Variants in THSD4 observed in about 807,000 individuals in gnomAD.
The protein encoded by THSD4 is thrombospondin type 1 domain containing 4.
THSD4 carries 69 observed loss-of-function variants against 119.0 expected under a neutral mutation model. The ratio of observed to expected loss-of-function variants is 0.58; its 90% CI spans 0.48 to 0.71. The LOEUF (loss-of-function observed/expected upper bound fraction) is 0.71, where lower values mean the gene tolerates loss of function less well. Among genes scored for constraint, THSD4 ranks in the 30% least tolerant of loss-of-function variants. The probability of loss-of-function intolerance (pLI) is 0.00; values close to 1 mark genes in which losing one functional copy is unlikely to be tolerated. For missense variants in THSD4, 1,393 were observed against 1,391.1 expected (o/e 1.00, Z -0.02); for synonymous variants, 524 against 540.4 (o/e 0.97, Z 0.42).
Position 71,373,432 on chromosome 15 carries a change from C to T in THSD4, c.1016-38255C>T, listed in dbSNP as rs555589210. On this transcript the variant is annotated intron_variant, in intron 6 of 17. Coordinates refer to ENST00000261862, the MANE Select transcript of THSD4 (RefSeq NM_024817.3). ...TCTCCTAACTTGAACTTACATGACTCCTATTTTAGGGTCTAATACACAGGA... is the reference window on the plus strand; with the variant it reads ...TCTCCTAACTTGAACTTACATGACTTCTATTTTAGGGTCTAATACACAGGA... Among the ~76,000 whole-genome samples, 4 of 151,938 alleles carry T rather than the reference C, an allele frequency of 2.6e-5. No homozygotes were observed. The South Asian group carries it at 8.4e-4, about 32-fold the overall frequency.
rs182426487 is a variant in THSD4 at position 71,166,691 on chromosome 15, C to T, written c.99+11759C>T. On this transcript the variant is annotated intron_variant, in intron 3 of 17. Coordinates refer to ENST00000261862, the MANE Select transcript of THSD4 (RefSeq NM_024817.3). ...CTCTATAGAAATTTTGTTGCTCCCC[C>T]GGTGCTTTCCAGTGTACTTCATCAG... Among the ~76,000 whole-genome samples the T allele has an allele frequency of 3.3e-3, 501 of 152,192 alleles. 1 individual carries two copies. Among genetic ancestry groups the T allele is most frequent in the Admixed American group, 5.1e-3 (78 of 15,282 alleles).
chr15:71,567,681 T>C (rs574739500), intron 7 of THSD4, among the ~76,000 whole-genome samples: 4 of 150,994 alleles, frequency 2.6e-5, no homozygotes, highest in Admixed American at 6.6e-5. Context: ...GAGGAAGGAA[T>C]GTAGCAGTGC....
chr15:71,230,016 A>G (rs747700499), intron 4 of THSD4, among the ~76,000 whole-genome samples: 2 of 152,192 alleles, frequency 1.3e-5, no homozygotes, highest in Admixed American at 6.5e-5. Flanking sequence ...TGTTATAATC[A>G]TTATTGCTGT....
intron 7 of THSD4, among the ~76,000 whole-genome samples, chr15:71,559,297 G>C (rs28670832): frequency 6.6e-6 from 1 of 152,084 alleles, no homozygotes; most frequent in Non-Finnish European, 1.5e-5. Flanking sequence ...TGGTTTCTGA[G>C]TTTAGAATTT....
intron 6 of THSD4, among the ~76,000 whole-genome samples, chr15:71,351,235 C>A (rs1566950747): frequency 6.6e-6 from 1 of 152,138 alleles, no homozygotes; most frequent in South Asian, 2.1e-4. Flanking sequence ...TCATCTGGTG[C>A]AAGCCTGTCT....
Position 71,215,015 on chromosome 15 carries a change from A to C in THSD4, c.100-20A>C, listed in dbSNP as rs753137845. The C allele has an allele frequency of 6.4e-6, 8 of 1,246,848 alleles. No homozygotes were observed. Among genetic ancestry groups the C allele is most frequent in the Non-Finnish European group, 8.1e-6 (8 of 988,708 alleles). The allele number at this position is 1,246,848 out of a possible 1,614,324, so 77.2% of individuals were successfully genotyped here. On this transcript the variant is annotated intron_variant, in intron 3 of 17. Coordinates refer to ENST00000261862, the MANE Select transcript of THSD4 (RefSeq NM_024817.3). ...AGAGGAGCGGTGTTCTGGTCCCCTA[A>C]CCTGCCTCTGTCTCCGCAGGTCCCG... is the stretch of plus-strand genomic sequence containing the variant.
chr15:71,493,106 T>C (rs964735014), intron 7 of THSD4, among the ~76,000 whole-genome samples: 2 of 152,208 alleles, frequency 1.3e-5, no homozygotes, highest in Non-Finnish European at 2.9e-5. Context: ...GCTTGAGATA[T>C]CCAGAGTAAA....
chr15:71,517,826 T>C (rs2048382387), intron 7 of THSD4, among the ~76,000 whole-genome samples: 1 of 152,198 alleles, frequency 6.6e-6, no homozygotes, highest in Non-Finnish European at 1.5e-5. Flanking sequence ...GTGGCATTGG[T>C]TACACTTCTT....
intron 7 of THSD4, among the ~76,000 whole-genome samples, chr15:71,426,219 C>G (rs925339648): frequency 2.0e-5 from 3 of 152,138 alleles, no homozygotes; most frequent in Non-Finnish European, 4.4e-5. Context: ...TGGCTTCCAT[C>G]GGGACACATT....
chr15:71,182,985 A>G (rs1481644762), intron 3 of THSD4: 1 of 151,726 alleles, frequency 6.6e-6, no homozygotes, highest in East Asian at 1.9e-4. Flanking sequence ...TTAACTCATC[A>G]CACATGTATC....
chr15:71,642,978 G>A (rs2050894350), intron 7 of THSD4, among the ~76,000 whole-genome samples: 1 of 152,042 alleles, frequency 6.6e-6, no homozygotes, highest in African/African-American at 2.4e-5. Context: ...AAAGAGTCTA[G>A]GTTCTGGGAC....
intron 7 of THSD4, among the ~76,000 whole-genome samples, chr15:71,491,879 AAAAAG>A (rs1452763313): frequency 3.9e-5 from 6 of 152,304 alleles, no homozygotes; most frequent in East Asian, 1.9e-4. Context: ...AAAAAAGAAA[AAAAAG>A]AAAAGAAATA....
At chr15:71,625,422 T>G (rs146621840) in intron 7 of THSD4, among the ~76,000 whole-genome samples, 1 of 152,302 alleles carries the variant, frequency 6.6e-6, no homozygotes, top group African/African-American at 2.4e-5. Context: ...AGAAAGAGCT[T>G]CTTGAGGAAC....
chr15:71,534,139 A>G (rs930681309), intron 7 of THSD4, among the ~76,000 whole-genome samples: 1 of 152,120 alleles, frequency 6.6e-6, no homozygotes, highest in Non-Finnish European at 1.5e-5. Context: ...TTGTAGAGAC[A>G]GAGTCTCACT....
chr15:71,411,943 A>G (rs1433012471), intron 7 of THSD4, 120 bp downstream of exon 7: 3 of 1,330,298 alleles, frequency 2.3e-6, no homozygotes, highest in African/African-American at 1.5e-5. Flanking sequence ...GGGCCACTCA[A>G]CCATGCGCTC....
chr15:71,341,013 A>G (rs747541901), intron 6 of THSD4: 8 of 653,822 alleles, frequency 1.2e-5, no homozygotes, highest in Non-Finnish European at 1.8e-5. Flanking sequence ...TGGTCTCCCC[A>G]TTGTTTCCCA....
chr15:71,699,973 G>T (rs1232878116), intron 8 of THSD4, among the ~76,000 whole-genome samples: 1 of 152,112 alleles, frequency 6.6e-6, no homozygotes, highest in Non-Finnish European at 1.5e-5. Context: ...TCCTTAATTT[G>T]ATAAGGAAAG....
intron 7 of THSD4, among the ~76,000 whole-genome samples, chr15:71,450,025 C>G (rs56223005): frequency 0.16 from 24,068 of 152,150 alleles, 2,352 homozygotes; most frequent in Non-Finnish European, 0.22. Context: ...GGGCAGCTGT[C>G]CAGGGTGGAC....
chr15:71,452,625 A>AT (rs756888984), intron 7 of THSD4, among the ~76,000 whole-genome samples: 14 of 150,714 alleles, frequency 9.3e-5, no homozygotes, highest in South Asian at 4.2e-4. Flanking sequence ...TATTATTTAT[A>AT]TTTTTTTGAG....
Sources: gnomAD v4.1 joint callset for allele counts (sites outside exome capture counted in the v4.1 genomes callset) on GRCh38, gnomAD v4.1.1 for gene constraint, MANE v1.5 for transcripts, NCBI Gene and HGNC (gene_info 2026-07-23, HGNC 2026-07-21) for gene names.